KPNA7: variants seen among roughly 807,000 people sequenced by gnomAD.
The protein encoded by KPNA7 is importin subunit alpha-8.
A neutral mutation model predicts 53.7 loss-of-function variants in KPNA7; 54 were observed. The ratio of observed to expected loss-of-function variants is 1.01; its 90% CI spans 0.81 to 1.26. The LOEUF (loss-of-function observed/expected upper bound fraction) is 1.26. KPNA7 is among the 50% of genes most tolerant of loss of function. The pLI, the probability that KPNA7 is intolerant of heterozygous loss-of-function variation, is 0.00. For missense variants in KPNA7, 640 were observed against 644.5 expected, an observed-to-expected ratio of 0.99 and a Z score of 0.07; for synonymous variants, 276 against 259.3, an observed-to-expected ratio of 1.06 and a Z score of -0.62.
At chr7:99,172,469 C>T (rs576471637), downstream of KPNA7, among the ~76,000 whole-genome samples, 4 of 152,116 alleles carry the variant, frequency 2.6e-5, no homozygotes, top group African/African-American at 9.7e-5. Flanking sequence ...AATCCCAGCA[C>T]TTTGGGAGGC....
upstream of KPNA7, among the ~76,000 whole-genome samples, chr7:99,209,701 A>G (rs904744890): frequency 1.0e-4 from 15 of 148,384 alleles, no homozygotes; most frequent in Admixed American, 4.1e-4. Flanking sequence ...AAAAAAAAAA[A>G]AAAAAAAAAG....
At position 99,193,088 on chromosome 7, in the gene KPNA7, C is replaced by A; in HGVS notation, c.567G>T (p.Glu189Asp). 6.7e-7 allele frequency: 1 copy of A among 1,497,448 alleles called. No individual in the cohort carries two copies. The highest frequency in any genetic ancestry group is 2.6e-5 in the East Asian group (1 of 39,108). 92.8% of individuals were successfully genotyped at this position (1,497,448 alleles called of 1,614,324 possible). A position where few individuals can be genotyped will look rare whatever the true frequency, so the allele number is the denominator to read the frequency against. ...ALGNIAGDGP[E>D]FRDNVITSNA... ...TGCTTGTGATGACGTTATCTCTGAA[C>A]TCTGGGCCATCACCTACAAATAGAG... is the stretch of plus-strand genomic sequence containing the variant. The change falls in exon 6 of 11, where the codon GAG becomes GAT. Residue 189 changes from glutamate (E) to aspartate (D), a missense_variant. Physicochemically the swap from Glu to Asp is conservative, Grantham distance 45. Coordinates refer to ENST00000327442, the MANE Select transcript of KPNA7 (RefSeq NM_001145715.3).
At chr7:99,158,877 T>C in the KPNA7 span, among the ~76,000 whole-genome samples, 1 of 151,986 alleles carries the variant, frequency 6.6e-6, no homozygotes, top group African/African-American at 2.4e-5. Flanking sequence ...CTTTTTTTTT[T>C]CTTTTGAGAG....
At chr7:99,151,176 T>C in the KPNA7 span, among the ~76,000 whole-genome samples, 6 of 152,238 alleles carry the variant, frequency 3.9e-5, no homozygotes, top group Middle Eastern at 3.4e-3. Context: ...GTTCCTGCCC[T>C]TTTTTTCTGG....
Position 99,185,061 on chromosome 7 carries a change from C to G in KPNA7, c.1002G>C (p.Leu334=). ...TCTGGATGGAGGGCTTGTTGTGTTG[C>G]AGGAGCTGGGGGAGCACGTTCAGCA... The part of the protein sequence containing the change: ...AGMLNVLPQL[L]QHNKPSIQKE... Residue 334 remains leucine, a synonymous_variant, in exon 8 of 11, where the codon CTG becomes CTC. Transcript: ENST00000327442. 6.4e-7 allele frequency: 1 copy of G among 1,551,936 alleles called. No homozygotes were observed. The highest frequency in any genetic ancestry group is 8.7e-7 in the Non-Finnish European group (1 of 1,147,048).
At chr7:99,161,155 C>T in the KPNA7 span, among the ~76,000 whole-genome samples, 1 of 151,232 alleles carries the variant, frequency 6.6e-6, no homozygotes, top group South Asian at 2.1e-4. Flanking sequence ...AGCCACCATG[C>T]CTTCTAAGAT....
rs559501938 is a variant in KPNA7 at position 99,185,508 on chromosome 7, G to A, written c.901-346C>T. On this transcript the variant is annotated intron_variant, in intron 7 of 10. Coordinates refer to ENST00000327442, the MANE Select transcript of KPNA7 (RefSeq NM_001145715.3). Reference sequence around the variant, plus strand: ...ACTATACGGATGTGCCACCATGCCCGGCTAATTTTTAAGTTTTTTGTAGAG... The same window carrying A: ...ACTATACGGATGTGCCACCATGCCCAGCTAATTTTTAAGTTTTTTGTAGAG... Among the ~76,000 whole-genome samples the A allele has an allele frequency of 9.4e-4, 143 of 152,084 alleles. 1 individual carries two copies. The highest frequency in any genetic ancestry group is 3.2e-3 in the African/African-American group (134 of 41,498).
intron 3 of KPNA7, among the ~76,000 whole-genome samples, chr7:99,197,334 G>A (rs973999016): frequency 1.3e-5 from 2 of 152,088 alleles, no homozygotes; most frequent in African/African-American, 2.4e-5. Context: ...ACTACTAAAC[G>A]AGCACACCCA....
intron 2 of KPNA7, among the ~76,000 whole-genome samples, chr7:99,206,995 A>ATTTGCC (rs1240258485): frequency 1.3e-5 from 2 of 151,866 alleles, no homozygotes; most frequent in Non-Finnish European, 2.9e-5. Flanking sequence ...CTTTTGCTAT[A>ATTTGCC]TTTGCCTTTT....
At chr7:99,200,942 T>G (rs775502106) in intron 3 of KPNA7, among the ~76,000 whole-genome samples, 1 of 152,152 alleles carries the variant, frequency 6.6e-6, no homozygotes, top group Non-Finnish European at 1.5e-5. Flanking sequence ...CATTCCAGCC[T>G]GGGTGACAGA....
the KPNA7 span, among the ~76,000 whole-genome samples, chr7:99,159,929 A>G: frequency 4.0e-5 from 6 of 151,626 alleles, no homozygotes; most frequent in African/African-American, 1.5e-4. Context: ...GAAGGAAAGA[A>G]GTAGCTTGTC....
the KPNA7 span, among the ~76,000 whole-genome samples, chr7:99,165,131 A>C: frequency 6.6e-6 from 1 of 151,782 alleles, no homozygotes; most frequent in Non-Finnish European, 1.5e-5. Context: ...ACAGAACACG[A>C]CTTTGTCTCA....
At chr7:99,155,911 T>C in the KPNA7 span, among the ~76,000 whole-genome samples, 5 of 152,230 alleles carry the variant, frequency 3.3e-5, no homozygotes, top group South Asian at 2.1e-4. Context: ...TTAGCCATTC[T>C]GTCTACTACT....
At chr7:99,211,467 C>G (rs990259118), upstream of KPNA7, among the ~76,000 whole-genome samples, 1 of 152,252 alleles carries the variant, frequency 6.6e-6, no homozygotes, top group African/African-American at 2.4e-5. Context: ...AGAAGAGAGA[C>G]AAGCTCTATG....
chr7:99,185,249 C>G lies in KPNA7; in HGVS notation c.901-87G>C. On this transcript the variant is annotated intron_variant, in intron 7 of 10. Transcript: ENST00000327442. ...ACACCAAGTTCTGTTCTCTCCCAAA[C>G]ATTGTCATGCTATAGCCGATGGTTG... 3.4e-6 allele frequency: 3 copies of G among 894,052 alleles called. 1 individual carries two copies. The South Asian group carries it at 4.4e-5, about 13-fold the overall frequency. The allele number at this position is 894,052 out of a possible 1,614,324, so 55.4% of individuals were successfully genotyped here. A position where few individuals can be genotyped will look rare whatever the true frequency, so the allele number is the denominator to read the frequency against.
the KPNA7 span, among the ~76,000 whole-genome samples, chr7:99,158,080 T>G: frequency 6.6e-6 from 1 of 151,968 alleles, no homozygotes; most frequent in Non-Finnish European, 1.5e-5. Flanking sequence ...GAGATGAGTC[T>G]CCTTATGTTG....
At chr7:99,203,371 A>C (rs1790648706) in intron 2 of KPNA7, 131 bp from the exon 3 acceptor site, 1 of 840,756 alleles carries the variant, frequency 1.2e-6, no homozygotes, top group African/African-American at 1.7e-5. Flanking sequence ...CAGATCACAC[A>C]GTTAGTAAAT....
In KPNA7 at chr7:99,203,223, C is replaced by T. The variant is rs1050651542; in HGVS notation, c.84G>A (p.Arg28=). The change falls in exon 3 of 11, where the codon AGG becomes AGA. Residue 28 remains arginine (R), a synonymous_variant. Coordinates refer to ENST00000327442, the MANE Select transcript of KPNA7 (RefSeq NM_001145715.3). ...GKDVSLRRQQ[R]MAVSLELRKA... Reference sequence around the variant, plus strand: ...TTCGGAGCTCCAGACTGACCGCCATCCTCTGCTGTCGCCTCAGCTAGTGAG... The same window carrying T: ...TTCGGAGCTCCAGACTGACCGCCATTCTCTGCTGTCGCCTCAGCTAGTGAG... The T allele has an allele frequency of 6.4e-7, 1 of 1,551,458 alleles. No homozygotes were observed. The highest frequency in any genetic ancestry group is 1.4e-5 in the African/African-American group (1 of 73,008).
chr7:99,214,484 C>A (rs1473336479), intron 1 of KPNA7, among the ~76,000 whole-genome samples: 1 of 148,050 alleles, frequency 6.8e-6, no homozygotes, highest in Non-Finnish European at 1.5e-5. Context: ...AAAAACTAGC[C>A]AGTTGTGGTG....
Sources: allele counts gnomAD v4.1 joint callset (sites outside exome capture counted in the v4.1 genomes callset), GRCh38; gene constraint gnomAD v4.1.1; transcripts MANE v1.5; gene names NCBI Gene and HGNC (gene_info 2026-07-23, HGNC 2026-07-21).